Variants in WDR35 observed in about 807,000 individuals in gnomAD.
The protein encoded by WDR35 is WD repeat domain 35.
Under a neutral mutation model 158.3 loss-of-function variants are expected in WDR35, and 118 were observed. That is an observed-to-expected ratio of 0.75 (90% confidence interval 0.64 to 0.87). The LOEUF (loss-of-function observed/expected upper bound fraction) is 0.87. Among genes scored for constraint, WDR35 ranks in the 40% least tolerant of loss-of-function variants. The probability of loss-of-function intolerance (pLI) is 0.00; values close to 1 mark genes in which losing one functional copy is unlikely to be tolerated. For missense variants in WDR35, 1,263 were observed against 1,405.8 expected, an observed-to-expected ratio of 0.90 and a Z score of 1.62; for synonymous variants, 448 against 476.1, an observed-to-expected ratio of 0.94 and a Z score of 0.77.
intron 11 of WDR35, among the ~76,000 whole-genome samples, chr2:19,956,381 G>A (rs1223360360): frequency 6.6e-6 from 1 of 152,122 alleles, no homozygotes; most frequent in East Asian, 1.9e-4. Flanking sequence ...AAATTAAAAT[G>A]TTAGTGGTTC....
intron 25 of WDR35, 152 bp downstream of exon 25, chr2:19,930,244 A>G: frequency 8.7e-7 from 1 of 1,153,404 alleles, no homozygotes; most frequent in Non-Finnish European, 1.2e-6. Context: ...AAAAACTTCA[A>G]AAATGGGAAT....
At chr2:19,983,019 C>A (rs1672436753) in intron 2 of WDR35, among the ~76,000 whole-genome samples, 1 of 152,214 alleles carries the variant, frequency 6.6e-6, no homozygotes, top group African/African-American at 2.4e-5. Context: ...ACAAAACAGT[C>A]ATTTCCCCTT....
chr2:19,935,662 C>T, intron 20 of WDR35, 59 bp from the exon 21 acceptor site: 1 of 1,575,072 alleles, frequency 6.3e-7, no homozygotes, highest in Non-Finnish European at 8.6e-7. Context: ...GATAAATAAG[C>T]ACTTTCAACC....
Position 19,933,398 on chromosome 2 carries a change from T to C in WDR35, c.2658+3A>G, listed in dbSNP as rs772357157. 2 of 1,611,902 alleles carry C rather than the reference T, an allele frequency of 1.2e-6. No individual in the cohort carries two copies. Among genetic ancestry groups the C allele is most frequent in the South Asian group, 2.2e-5 (2 of 91,046 alleles). On this transcript the variant is annotated splice_donor_region_variant and intron_variant, in intron 22 of 26. Coordinates refer to ENST00000281405, the MANE Select transcript of WDR35 (RefSeq NM_020779.4). ...TGCACAGACAGAAAGTTTCAGTTCCTACTTGGTTGAGATGTACGCAGGTAT... is the reference window on the plus strand; with the variant it reads ...TGCACAGACAGAAAGTTTCAGTTCCCACTTGGTTGAGATGTACGCAGGTAT...
chr2:19,920,269 CACA>C (rs1295595847), intron 25 of WDR35, among the ~76,000 whole-genome samples: 2 of 152,112 alleles, frequency 1.3e-5, no homozygotes, highest in African/African-American at 4.8e-5. Context: ...GTGGCAGAGA[CACA>C]ACAACAACAA....
intron 25 of WDR35, among the ~76,000 whole-genome samples, chr2:19,928,979 T>C (rs1291575947): frequency 6.6e-6 from 1 of 152,274 alleles, no homozygotes; most frequent in Middle Eastern, 3.4e-3. Flanking sequence ...GCTGATTTTT[T>C]TGTATTTTTA....
chr2:19,938,134 T>C (rs544909177), intron 18 of WDR35, 131 bp downstream of exon 18: 2 of 1,446,558 alleles, frequency 1.4e-6, no homozygotes, highest in East Asian at 4.6e-5. Context: ...AATGAATTTC[T>C]ACATCTTAAA....
chr2:19,966,264 A>G (rs994467193), intron 10 of WDR35, among the ~76,000 whole-genome samples: 1 of 152,160 alleles, frequency 6.6e-6, no homozygotes, highest in African/African-American at 2.4e-5. Flanking sequence ...AGACATATTT[A>G]TATTATTTAT....
intron 23 of WDR35, 44 bp downstream of exon 23, chr2:19,932,239 T>C: frequency 6.2e-7 from 1 of 1,609,772 alleles, no homozygotes; most frequent in Non-Finnish European, 8.5e-7. Context: ...ATTAAAATAT[T>C]GTGACTGGAA....
At chr2:19,914,805 G>C (rs1224830432) in intron 25 of WDR35, among the ~76,000 whole-genome samples, 1 of 152,028 alleles carries the variant, frequency 6.6e-6, no homozygotes, top group Non-Finnish European at 1.5e-5. Flanking sequence ...GAAACAATAG[G>C]ATTTTGTGAA....
chr2:19,966,673 T>A (rs780823872), intron 10 of WDR35, 51 bp downstream of exon 10: 14 of 1,594,590 alleles, frequency 8.8e-6, no homozygotes, highest in Non-Finnish European at 1.2e-5. Context: ...TAGAAAACTA[T>A]AACCCAAGCA....
chr2:19,989,335 G>C (rs1181793253), intron 1 of WDR35, 53 bp from the exon 2 acceptor site: 2 of 1,460,396 alleles, frequency 1.4e-6, no homozygotes, highest in African/African-American at 2.8e-5. Context: ...GAGCTGGGAA[G>C]TAAGTCTGCA....
intron 4 of WDR35, among the ~76,000 whole-genome samples, chr2:19,979,296 AC>A (rs2103461358): frequency 6.6e-6 from 1 of 152,342 alleles, no homozygotes; most frequent in African/African-American, 2.4e-5. Context: ...ATAACTTTAT[AC>A]ATATGCACAT....
At position 19,913,974 on chromosome 2, in the gene WDR35, T is replaced by C. The variant is rs1392088751; in HGVS notation, c.3362+63A>G. The C allele has an allele frequency of 3.1e-6, 5 of 1,607,088 alleles. No individual in the cohort carries two copies. In the African/African-American group the frequency reaches 4.0e-5, roughly 13 times the overall value. ...GCTTTAATTCCTACATTAAACATTG[T>C]ACATCTAGAAATCCAAGCTTCTAAT... On this transcript the variant is annotated intron_variant, in intron 26 of 26. Transcript: ENST00000281405.
Position 19,933,499 on chromosome 2 carries a change from T to G in WDR35, c.2560A>C (p.Met854Leu). The change falls in exon 22 of 27, where the codon ATG (methionine) becomes CTG (leucine). Residue 854 changes from methionine to leucine, a missense_variant. Met to Leu is a conservative substitution (Grantham distance 15, BLOSUM62 2). Coordinates refer to ENST00000281405, the MANE Select transcript of WDR35 (RefSeq NM_020779.4). Reference sequence around the variant, plus strand: ...TCACACATTCCAACTCTGACAAACATTTGTGCTATTTCCTGTACAAACAAA... The same window carrying G: ...TCACACATTCCAACTCTGACAAACAGTTGTGCTATTTCCTGTACAAACAAA... The part of the protein sequence containing the change: ...NHKLLPEIAQ[M>L]FVRVGMCEQA... 6.2e-7 allele frequency: 1 copy of G among 1,613,522 alleles called. No homozygotes were observed. The highest frequency in any genetic ancestry group is 8.5e-7 in the Non-Finnish European group (1 of 1,179,786).
At chr2:19,964,396 T>TTC (rs1558349180) in intron 10 of WDR35, among the ~76,000 whole-genome samples, 2 of 148,556 alleles carry the variant, frequency 1.3e-5, no homozygotes, top group African/African-American at 5.0e-5. Context: ...TTTTTTTTTT[T>TTC]CTTTGGAGAC....
intron 10 of WDR35, among the ~76,000 whole-genome samples, chr2:19,962,857 C>T (rs1209001109): frequency 6.6e-6 from 1 of 151,954 alleles, no homozygotes; most frequent in African/African-American, 2.4e-5. Context: ...CACAAAATAC[C>T]ACAAATTGTA....
At chr2:19,940,946 G>A (rs1401254528) in intron 17 of WDR35, among the ~76,000 whole-genome samples, 1 of 151,988 alleles carries the variant, frequency 6.6e-6, no homozygotes, top group Non-Finnish European at 1.5e-5. Context: ...TTTGGGTGGG[G>A]GCCCATCCCA....
intron 13 of WDR35, 41 bp downstream of exon 13, chr2:19,951,374 T>C (rs1671230538): frequency 6.9e-7 from 1 of 1,458,094 alleles, no homozygotes; most frequent in Non-Finnish European, 9.5e-7. Flanking sequence ...ATTTCAAATC[T>C]ACAGATATTA....
Sources: allele counts gnomAD v4.1 joint callset (sites outside exome capture counted in the v4.1 genomes callset), GRCh38; gene constraint gnomAD v4.1.1; transcripts MANE v1.5; gene names NCBI Gene and HGNC (gene_info 2026-07-23, HGNC 2026-07-21).